The following PCDH15 variants were observed in gnomAD, a reference collection of about 807,000 sequenced individuals.
PCDH15 encodes the protein protocadherin-15.
In PCDH15, 129 loss-of-function variants were observed where a neutral mutation model predicts 178.5. That is an observed-to-expected ratio of 0.72 (90% CI 0.63 to 0.84). PCDH15 has a LOEUF of 0.84. Among genes scored for constraint, PCDH15 ranks in the 40% least tolerant of loss-of-function variants. The pLI is 0.00. For synonymous variants in PCDH15, 800 were observed against 732.0 expected, an observed-to-expected ratio of 1.09 and a Z score of -1.50; for missense variants, 2,230 against 2,099.9, an observed-to-expected ratio of 1.06 and a Z score of -1.21.
intron 2 of PCDH15, among the ~76,000 whole-genome samples, chr10:55,065,188 C>T (rs543259275): frequency 1.3e-5 from 2 of 152,070 alleles, no homozygotes; most frequent in Admixed American, 1.3e-4. Context: ...ATACAAATTC[C>T]ATATCTAGAA....
chr10:54,480,480 A>G (rs1388326992), intron 3 of PCDH15, among the ~76,000 whole-genome samples: 2 of 152,154 alleles, frequency 1.3e-5, no homozygotes, highest in South Asian at 2.1e-4. Flanking sequence ...TCTAAATCAA[A>G]GACTCTGAAA....
chr10:55,003,202 TAA>T (rs1839834980), intron 2 of PCDH15, among the ~76,000 whole-genome samples: 1 of 152,190 alleles, frequency 6.6e-6, no homozygotes, highest in South Asian at 2.1e-4. Flanking sequence ...TTGATTCTTC[TAA>T]AAAGCAACTT....
chr10:54,247,959 T>TATATATATAC (rs1426355910), intron 8 of PCDH15, among the ~76,000 whole-genome samples: 2 of 138,006 alleles, frequency 1.4e-5, no homozygotes, highest in African/African-American at 6.1e-5. Context: ...TATATATATA[T>TATATATATAC]ACACATACAG....
intron 9 of PCDH15, among the ~76,000 whole-genome samples, chr10:54,214,610 G>A (rs893306951): frequency 6.6e-6 from 1 of 152,044 alleles, no homozygotes; most frequent in Admixed American, 6.6e-5. Context: ...ATTTATTTTT[G>A]AGATAGAGCC....
chr10:54,858,392 A>G (rs938678503), intron 3 of PCDH15, among the ~76,000 whole-genome samples: 2 of 152,146 alleles, frequency 1.3e-5, no homozygotes, highest in Admixed American at 1.3e-4. Context: ...CCTTGTTTGT[A>G]TAGCTGTTAG....
chr10:54,825,269 A>G (rs1391726511), intron 3 of PCDH15, among the ~76,000 whole-genome samples: 2 of 151,192 alleles, frequency 1.3e-5, no homozygotes, highest in Non-Finnish European at 3.0e-5. Flanking sequence ...AATCCAGTCT[A>G]TCATTGTTGG....
At chr10:54,975,079 T>G (rs1839035136) in intron 2 of PCDH15, among the ~76,000 whole-genome samples, 1 of 152,190 alleles carries the variant, frequency 6.6e-6, no homozygotes, top group Non-Finnish European at 1.5e-5. Context: ...AGTGAACACC[T>G]TGAGCACTTT....
intron 9 of PCDH15, among the ~76,000 whole-genome samples, chr10:54,230,761 TGAAAAATTA>T (rs2053971022): frequency 6.6e-6 from 1 of 152,164 alleles, no homozygotes; most frequent in Non-Finnish European, 1.5e-5. Flanking sequence ...AATCATACTT[TGAAAAATTA>T]GAAAAAATAC....
At chr10:54,978,700 A>G (rs1343723318) in intron 2 of PCDH15, among the ~76,000 whole-genome samples, 1 of 152,174 alleles carries the variant, frequency 6.6e-6, no homozygotes, top group Non-Finnish European at 1.5e-5. Context: ...AAATCTGCAT[A>G]TCAAACTCTA....
intron 1 of PCDH15, among the ~76,000 whole-genome samples, chr10:55,276,180 C>T (rs530994839): frequency 2.7e-5 from 4 of 150,406 alleles, no homozygotes; most frequent in South Asian, 4.2e-4. Context: ...ATAATAAAAA[C>T]GTAACTTTTT....
At chr10:55,556,531 T>G (rs950325506) in intron 2 of PCDH15, among the ~76,000 whole-genome samples, 1 of 152,066 alleles carries the variant, frequency 6.6e-6, no homozygotes, top group Non-Finnish European at 1.5e-5. Flanking sequence ...AGACTGGGTT[T>G]AAAAGTTATT....
chr10:53,810,506 C>T (rs1355287613), intron 37 of PCDH15, 50 bp downstream of exon 37: 7 of 1,535,524 alleles, frequency 4.6e-6, no homozygotes, highest in Non-Finnish European at 6.3e-6. Flanking sequence ...TAGGGTTAAA[C>T]AATATTTTTC....
intron 3 of PCDH15, among the ~76,000 whole-genome samples, chr10:54,522,087 CAAAA>C (rs11313978): frequency 1.7e-4 from 10 of 58,872 alleles, no homozygotes; most frequent in African/African-American, 2.5e-4. Flanking sequence ...GAATCCATCT[CAAAA>C]AAAAAAAAAA....
intron 20 of PCDH15, among the ~76,000 whole-genome samples, chr10:54,002,624 G>A (rs1287804339): frequency 2.0e-5 from 3 of 152,074 alleles, no homozygotes; most frequent in African/African-American, 7.2e-5. Context: ...TAAGAAAATT[G>A]AAAACTTTTT....
At chr10:54,696,557 GC>G (rs1287095159) in intron 1 of PCDH15, among the ~76,000 whole-genome samples, 4 of 152,036 alleles carry the variant, frequency 2.6e-5, no homozygotes, top group Admixed American at 2.6e-4. Context: ...AGGGTTAAAT[GC>G]TATCAAACAG....
At chr10:53,965,581 G>A (rs2088925071) in intron 21 of PCDH15, among the ~76,000 whole-genome samples, 1 of 152,072 alleles carries the variant, frequency 6.6e-6, no homozygotes, top group African/African-American at 2.4e-5. Flanking sequence ...AAAAGTGCTT[G>A]GCAAAGATAC....
At chr10:55,250,412 G>C (rs549307456) in intron 1 of PCDH15, among the ~76,000 whole-genome samples, 3 of 150,590 alleles carry the variant, frequency 2.0e-5, no homozygotes, top group Non-Finnish European at 4.4e-5. Context: ...CTCCCAAAGT[G>C]CTACGATTAC....
chr10:54,416,805 A>G lies in PCDH15; in HGVS notation c.158-37863T>C, dbSNP rs542198452. 2.0e-5 allele frequency among the ~76,000 whole-genome samples: 3 copies of G among 152,238 alleles called. No homozygotes were observed. In the East Asian group the frequency reaches 5.8e-4, roughly 29 times the overall value. On this transcript the variant is annotated intron_variant, in intron 3 of 37. Transcript: ENST00000644397. ...GGCACCTATTGTTTCTGACTTTTTAATAGTCGCTATTCTGACTGGCATGAG... is the reference window on the plus strand; with the variant it reads ...GGCACCTATTGTTTCTGACTTTTTAGTAGTCGCTATTCTGACTGGCATGAG...
intron 2 of PCDH15, among the ~76,000 whole-genome samples, chr10:55,055,600 C>T (rs1032294357): frequency 2.6e-5 from 4 of 151,998 alleles, no homozygotes; most frequent in Non-Finnish European, 4.4e-5. Flanking sequence ...TCCAGGATTT[C>T]GGGACCAATC....
Sources: allele counts gnomAD v4.1 joint callset (sites outside exome capture counted in the v4.1 genomes callset), GRCh38; gene constraint gnomAD v4.1.1; transcripts MANE v1.5; gene names NCBI Gene and HGNC (gene_info 2026-07-23, HGNC 2026-07-21).